Variants in ZNF385D observed in about 807,000 individuals in gnomAD.
ZNF385D encodes zinc finger protein 659.
Under a neutral mutation model 35.8 loss-of-function variants are expected in ZNF385D, and 15 were observed. The observed-to-expected ratio is 0.42, with a 90% CI of 0.28 to 0.64. The LOEUF (loss-of-function observed/expected upper bound fraction) is 0.64, where lower values mean the gene tolerates loss of function less well. ZNF385D is among the 30% of genes least tolerant of loss of function. The probability of loss-of-function intolerance (pLI) is 0.23; values close to 1 mark genes in which losing one functional copy is unlikely to be tolerated. For synonymous variants in ZNF385D, 212 were observed against 186.8 expected (o/e 1.13, Z -1.10); for missense variants, 474 against 494.6 (o/e 0.96, Z 0.39).
At chr3:21,650,574 A>G (rs188346550) in intron 2 of ZNF385D, among the ~76,000 whole-genome samples, 50 of 152,318 alleles carry the variant, frequency 3.3e-4, no homozygotes, top group African/African-American at 1.2e-3. Context: ...ACAAATTTTT[A>G]AAAAATCCTC....
At chr3:21,752,958 G>A (rs576700370), upstream of ZNF385D, among the ~76,000 whole-genome samples, 1 of 152,210 alleles carries the variant, frequency 6.6e-6, no homozygotes, top group East Asian at 1.9e-4. Context: ...TGTGCTAGGG[G>A]GCACTGTAGT....
chr3:21,886,869 G>C (rs1575840437), intron 3 of ZNF385D, among the ~76,000 whole-genome samples: 1 of 152,026 alleles, frequency 6.6e-6, no homozygotes, highest in African/African-American at 2.4e-5. Flanking sequence ...GGTGTGATTG[G>C]ATCAGCAGTG....
intron 2 of ZNF385D, among the ~76,000 whole-genome samples, chr3:21,643,806 T>G (rs562618004): frequency 6.6e-6 from 1 of 152,290 alleles, no homozygotes; most frequent in South Asian, 2.1e-4. Flanking sequence ...AGCCACATGA[T>G]GCTAGTGGCT....
At chr3:21,864,858 A>G (rs1460031757) in intron 3 of ZNF385D, among the ~76,000 whole-genome samples, 1 of 151,966 alleles carries the variant, frequency 6.6e-6, no homozygotes, top group Non-Finnish European at 1.5e-5. Context: ...TAACTCAGAA[A>G]TGTAGGTCAA....
chr3:21,943,771 A>G (rs1337109533), intron 3 of ZNF385D, among the ~76,000 whole-genome samples: 1 of 152,226 alleles, frequency 6.6e-6, no homozygotes, highest in African/African-American at 2.4e-5. Flanking sequence ...AAGATACTAC[A>G]TGAACAGTAA....
At chr3:21,650,618 A>G (rs1336627617) in intron 2 of ZNF385D, among the ~76,000 whole-genome samples, 2 of 152,204 alleles carry the variant, frequency 1.3e-5, no homozygotes. Flanking sequence ...AACGATATGC[A>G]ATTTAAAATA....
At chr3:21,695,488 C>T (rs2067437717) in intron 1 of ZNF385D, among the ~76,000 whole-genome samples, 1 of 152,152 alleles carries the variant, frequency 6.6e-6, no homozygotes, top group African/African-American at 2.4e-5. Context: ...GCAAGCATCG[C>T]TGCAGGATAC....
chr3:21,891,339 A>C (rs1366402125), intron 3 of ZNF385D, among the ~76,000 whole-genome samples: 1 of 152,172 alleles, frequency 6.6e-6, no homozygotes, highest in Non-Finnish European at 1.5e-5. Flanking sequence ...AATATAAAAA[A>C]ATACATTTTG....
rs560022709 is a variant in ZNF385D, at chr3:22,120,249, T to A, written c.325+48568A>T. ...AACAGACATTTATCCCTCACAGTTG[T>A]GGAGGATAGAAGTCTAAACTTCAGG... On this transcript the variant is annotated intron_variant, in intron 3 of 5. Transcript: ENST00000494108. 7.2e-5 allele frequency among the ~76,000 whole-genome samples: 11 copies of A among 152,068 alleles called. 1 individual carries two copies. Among genetic ancestry groups the A allele is most frequent in the South Asian group, 4.1e-4 (2 of 4,830 alleles).
At chr3:21,475,512 C>T (rs73131594) in intron 4 of ZNF385D, among the ~76,000 whole-genome samples, 1,572 of 152,072 alleles carry the variant, frequency 0.01, 23 homozygotes, top group African/African-American at 0.035. Flanking sequence ...AAAGGTTTAT[C>T]TTTTCTTAAA....
intron 2 of ZNF385D, among the ~76,000 whole-genome samples, chr3:22,206,470 G>A (rs1697161727): frequency 6.6e-6 from 1 of 151,896 alleles, no homozygotes; most frequent in African/African-American, 2.4e-5. Context: ...AGTTGCTGCA[G>A]AATACACATT....
At chr3:21,564,321 AAAAT>A (rs894502273) in intron 3 of ZNF385D, among the ~76,000 whole-genome samples, 10 of 152,274 alleles carry the variant, frequency 6.6e-5, no homozygotes, top group South Asian at 4.1e-4. Context: ...AAAAGACTAA[AAAAT>A]AAATAAATAA....
intron 3 of ZNF385D, among the ~76,000 whole-genome samples, chr3:22,167,618 A>G (rs1706420618): frequency 6.6e-6 from 1 of 152,214 alleles, no homozygotes; most frequent in Non-Finnish European, 1.5e-5. Flanking sequence ...CCCACATGAC[A>G]GAAACAGCAG....
At chr3:21,700,717 T>C (rs991188606) in intron 1 of ZNF385D, among the ~76,000 whole-genome samples, 1 of 152,206 alleles carries the variant, frequency 6.6e-6, no homozygotes, top group Non-Finnish European at 1.5e-5. Flanking sequence ...GTAAGGCTTT[T>C]GGAAAGTTAT....
At chr3:22,048,936 A>C (rs1457832494) in intron 3 of ZNF385D, among the ~76,000 whole-genome samples, 1 of 152,070 alleles carries the variant, frequency 6.6e-6, no homozygotes, top group African/African-American at 2.4e-5. Context: ...ATGTTTTATA[A>C]TTTTTAGTCT....
At chr3:21,674,031 T>G (rs1056071455) in intron 1 of ZNF385D, among the ~76,000 whole-genome samples, 2 of 152,126 alleles carry the variant, frequency 1.3e-5, no homozygotes, top group Non-Finnish European at 2.9e-5. Context: ...TCTTGTTACA[T>G]GGTCTTGTTT....
At chr3:21,435,757 T>C (rs74896666) in intron 5 of ZNF385D, among the ~76,000 whole-genome samples, 2 of 152,318 alleles carry the variant, frequency 1.3e-5, no homozygotes, top group Non-Finnish European at 2.9e-5. Context: ...TTTGCATGAA[T>C]AAACACATGG....
At chr3:21,710,077 C>T (rs766825076) in intron 1 of ZNF385D, among the ~76,000 whole-genome samples, 38 of 152,242 alleles carry the variant, frequency 2.5e-4, no homozygotes, top group Non-Finnish European at 4.9e-4. Context: ...ATTACACGAC[C>T]TTTTAGAAAA....
At chr3:21,446,029 G>T (rs1473160989) in intron 4 of ZNF385D, among the ~76,000 whole-genome samples, 1 of 152,170 alleles carries the variant, frequency 6.6e-6, no homozygotes, top group Non-Finnish European at 1.5e-5. Context: ...TGAGACTTTA[G>T]TATGCGTCAG....
Sources: gnomAD v4.1 joint callset for allele counts (sites outside exome capture counted in the v4.1 genomes callset) on GRCh38, gnomAD v4.1.1 for gene constraint, MANE v1.5 for transcripts, NCBI Gene and HGNC (gene_info 2026-07-23, HGNC 2026-07-21) for gene names.